Variants in PODXL observed in about 807,000 individuals in gnomAD.
PODXL encodes podocalyxin.
In PODXL, 20 loss-of-function variants were observed where a neutral mutation model predicts 48.9. The observed-to-expected ratio is 0.41, with a 90% CI of 0.29 to 0.59. PODXL has a LOEUF of 0.59. Ranked by LOEUF, PODXL falls within the 20% of genes least tolerant of loss-of-function variation. The pLI is 0.31. For synonymous variants in PODXL, 295 were observed against 287.4 expected (o/e 1.03, Z -0.27); for missense variants, 606 against 675.1 (o/e 0.90, Z 1.13).
intron 1 of PODXL, among the ~76,000 whole-genome samples, chr7:131,555,980 T>A (rs1193205391): frequency 1.3e-5 from 2 of 152,220 alleles, no homozygotes; most frequent in African/African-American, 4.8e-5. Context: ...GCAAACCCAC[T>A]TAGCACCGGC....
rs1797906964 is a variant in PODXL, at chr7:131,511,167, G to A, written c.367C>T (p.Pro123Ser). 1 of 1,613,994 alleles carries A rather than the reference G, an allele frequency of 6.2e-7. No homozygotes were observed. The highest frequency in any genetic ancestry group is 8.5e-7 in the Non-Finnish European group (1 of 1,180,008). Residue 123 changes from proline to serine, a missense_variant, in exon 2 of 9, where the codon CCC becomes TCC. Coordinates refer to ENST00000378555, the MANE Select transcript of PODXL (RefSeq NM_001018111.3). The stretch of plus-strand genomic sequence containing the variant: ...GTGTCTGCACTTTTTGTGCTCTTGG[G>A]GCTCTCGATGGTGGTAGTAGGGTTG... ...SGNPTTTIES[P>S]KSTKSADTTT...
chr7:131,527,096 G>C (rs11773254), intron 1 of PODXL, among the ~76,000 whole-genome samples: 80,832 of 151,932 alleles, frequency 0.53, 25,489 homozygotes, highest in Admixed American at 0.69. Context: ...ATGCATCACA[G>C]TGCATTTACA....
At chr7:131,546,207 G>A (rs1798572833) in intron 1 of PODXL, among the ~76,000 whole-genome samples, 1 of 152,208 alleles carries the variant, frequency 6.6e-6, no homozygotes, top group South Asian at 2.1e-4. Flanking sequence ...GCAAGAGAGG[G>A]GGTAGGCTCA....
intron 1 of PODXL, among the ~76,000 whole-genome samples, chr7:131,537,458 G>A (rs529159414): frequency 3.6e-4 from 55 of 152,214 alleles, no homozygotes; most frequent in African/African-American, 8.4e-4. Flanking sequence ...ATGGTAGCAC[G>A]TGCCTGTAGT....
chr7:131,540,407 G>A (rs1798455036), intron 1 of PODXL, among the ~76,000 whole-genome samples: 2 of 151,884 alleles, frequency 1.3e-5, no homozygotes, highest in South Asian at 2.1e-4. Flanking sequence ...CCCACCCCAG[G>A]TCAGAGAGCC....
chr7:131,524,476 A>C (rs1470949253), intron 1 of PODXL, among the ~76,000 whole-genome samples: 1 of 152,118 alleles, frequency 6.6e-6, no homozygotes, highest in Non-Finnish European at 1.5e-5. Flanking sequence ...TCCAAGGAAA[A>C]ATTACCAAAG....
At chr7:131,514,323 A>C (rs1486529021) in intron 1 of PODXL, among the ~76,000 whole-genome samples, 1 of 152,108 alleles carries the variant, frequency 6.6e-6, no homozygotes, top group Non-Finnish European at 1.5e-5. Flanking sequence ...CTGAGGCAGG[A>C]GAATAGCTTG....
chr7:131,527,953 G>A (rs1472342754), intron 1 of PODXL, among the ~76,000 whole-genome samples: 2 of 146,876 alleles, frequency 1.4e-5, no homozygotes, highest in Non-Finnish European at 3.0e-5. Flanking sequence ...ACCCTGGCTG[G>A]AGTGCAGTGG....
In PODXL at chr7:131,505,978, G is replaced by A. The variant is rs898589054; in HGVS notation, c.1369C>T (p.Arg457Cys). ...GTGATGATGAGGGGCATGCTGAAGCGGTCCTCGGCCTCCTCCGGTGGCCCC... is the reference window on the plus strand; with the variant it reads ...GTGATGATGAGGGGCATGCTGAAGCAGTCCTCGGCCTCCTCCGGTGGCCCC... Reference protein sequence around the residue: ...DQGPPEEAEDRFSMPLIITIV... With the variant: ...DQGPPEEAEDCFSMPLIITIV... The change falls in exon 8 of 9, where the codon CGC (arginine) becomes TGC (cysteine). Residue 457 changes from arginine to cysteine, a missense_variant. Coordinates refer to ENST00000378555, the MANE Select transcript of PODXL (RefSeq NM_001018111.3). 2 of 1,611,820 alleles carry A rather than the reference G, an allele frequency of 1.2e-6. No individual in the cohort carries two copies. The highest frequency in any genetic ancestry group is 1.7e-6 in the Non-Finnish European group (2 of 1,179,360).
chr7:131,531,851 C>T (rs551278951), intron 1 of PODXL, among the ~76,000 whole-genome samples: 4 of 152,314 alleles, frequency 2.6e-5, no homozygotes, highest in African/African-American at 9.6e-5. Context: ...GTGGCTCATG[C>T]CTGTAATCCC....
rs1480377009 is a variant in PODXL at position 131,509,432 on chromosome 7, G to A, written c.956C>T (p.Thr319Ile). 1 of 1,614,116 alleles carries A rather than the reference G, an allele frequency of 6.2e-7. No homozygotes were observed. Among genetic ancestry groups the A allele is most frequent in the Non-Finnish European group, 8.5e-7 (1 of 1,180,018 alleles). ...GTATCGGTGGGTAGTTGATGCTGCT[G>A]TGGGGCTGGAGCTCATGGTCTCTGG... ...TLPETMSSSP[T>I]AASTTHRYPK... is the part of the protein sequence containing the mutation. The change falls in exon 4 of 9, where the codon ACA becomes ATA. Residue 319 changes from threonine (T) to isoleucine (I), a missense_variant. By Grantham distance (89) the Thr-to-Ile change is moderately conservative (BLOSUM62 -1). Transcript: ENST00000378555.
chr7:131,541,410 A>G (rs1310780192), intron 1 of PODXL, among the ~76,000 whole-genome samples: 6 of 152,096 alleles, frequency 3.9e-5, no homozygotes, highest in East Asian at 1.9e-4. Context: ...CAAACAGGCC[A>G]GGCGCAGTGG....
intron 5 of PODXL, 142 bp downstream of exon 5, chr7:131,508,809 C>T: frequency 1.4e-6 from 1 of 700,044 alleles, no homozygotes; most frequent in Admixed American, 2.1e-5. Context: ...CCACTTCCTA[C>T]TAGGAAGAAA....
At chr7:131,528,253 G>A (rs1331832744) in intron 1 of PODXL, among the ~76,000 whole-genome samples, 3 of 152,166 alleles carry the variant, frequency 2.0e-5, no homozygotes, top group African/African-American at 7.2e-5. Flanking sequence ...AACTGCAGCT[G>A]TATTTTGGTG....
chr7:131,536,053 T>G (rs778840664), intron 1 of PODXL, among the ~76,000 whole-genome samples: 60 of 152,330 alleles, frequency 3.9e-4, no homozygotes, highest in South Asian at 1.7e-3. Context: ...CCACTGTGCT[T>G]GGCCAAAGAG....
At position 131,511,396 on chromosome 7, in the gene PODXL, T is replaced by G. The variant is rs1562904983; in HGVS notation, c.138A>C (p.Ala46=). The G allele has an allele frequency of 1.2e-6, 2 of 1,603,174 alleles. No homozygotes were observed. The highest frequency in any genetic ancestry group is 1.7e-6 in the Non-Finnish European group (2 of 1,179,668). The change falls in exon 2 of 9, where the codon GCA becomes GCC. Residue 46 remains alanine (A), a synonymous_variant. Transcript: ENST00000378555. The part of the protein sequence containing the change: ...QTTTDSSNKT[A]PTPASSVTIM... The stretch of plus-strand genomic sequence containing the variant: ...TGGTGACACTGGATGCTGGAGTCGG[T>G]GCTGTTTTGTTAGATGAGTCCGTAG...
chr7:131,556,293 A>ACGG lies in PODXL; in HGVS notation c.66_67insCCG (p.Ser22_Ser23insPro). On this transcript the variant is annotated inframe_insertion, in exon 1 of 9. Transcript: ENST00000378555. ...GAGGGCGACGGCGACGGCGACGGCGACGACGGCAGCAGCGGCGGCGTTGAC... is the reference window on the plus strand; with the variant it reads ...GAGGGCGACGGCGACGGCGACGGCGACGGCGACGGCAGCAGCGGCGGCGTTGAC... 6.7e-7 allele frequency: 1 copy of ACGG among 1,493,196 alleles called. No individual in the cohort carries two copies. The highest frequency in any genetic ancestry group is 2.3e-5 in the Admixed American group (1 of 43,658). The allele number at this position is 1,493,196 out of a possible 1,614,324, so 92.5% of individuals were successfully genotyped here. A position where few individuals can be genotyped will look rare whatever the true frequency, so the allele number is the denominator to read the frequency against.
intron 1 of PODXL, among the ~76,000 whole-genome samples, chr7:131,519,544 T>G (rs973280115): frequency 6.6e-6 from 1 of 152,052 alleles, no homozygotes; most frequent in African/African-American, 2.4e-5. Flanking sequence ...CAAAAATTGT[T>G]TTTTTTAAAC....
At chr7:131,509,072 G>T in intron 4 of PODXL, 44 bp from the exon 5 acceptor site, 1 of 1,517,528 alleles carries the variant, frequency 6.6e-7, no homozygotes, top group Non-Finnish European at 9.2e-7. Flanking sequence ...AATAGTCATG[G>T]AATCTTTGAC....
Sources: gnomAD v4.1 joint callset for allele counts (sites outside exome capture counted in the v4.1 genomes callset) on GRCh38, gnomAD v4.1.1 for gene constraint, MANE v1.5 for transcripts, NCBI Gene and HGNC (gene_info 2026-07-23, HGNC 2026-07-21) for gene names.